Variants in PTPRJ observed in about 807,000 individuals in gnomAD.
PTPRJ encodes the protein receptor-type tyrosine-protein phosphatase eta.
Under a neutral mutation model 141.3 loss-of-function variants are expected in PTPRJ, and 129 were observed. The ratio of observed to expected loss-of-function variants is 0.91; its 90% CI spans 0.79 to 1.06. PTPRJ has a LOEUF of 1.06. Among genes scored for constraint, PTPRJ ranks in the 50% least tolerant of loss-of-function variants. The pLI, the probability that PTPRJ is intolerant of heterozygous loss-of-function variation, is 0.00. For synonymous variants in PTPRJ, 610 were observed against 640.5 expected, an observed-to-expected ratio of 0.95 and a Z score of 0.72; for missense variants, 1,601 against 1,679.7, an observed-to-expected ratio of 0.95 and a Z score of 0.82.
chr11:48,004,509 G>A (rs1854576523), intron 1 of PTPRJ, among the ~76,000 whole-genome samples: 1 of 152,182 alleles, frequency 6.6e-6, no homozygotes, highest in Non-Finnish European at 1.5e-5. Flanking sequence ...CTTAAAGGAG[G>A]CTCCAGCTTA....
At chr11:48,110,279 T>G (rs1196717840) in intron 2 of PTPRJ, among the ~76,000 whole-genome samples, 1 of 152,246 alleles carries the variant, frequency 6.6e-6, no homozygotes, top group Non-Finnish European at 1.5e-5. Flanking sequence ...CCATCTCGGC[T>G]CACTGCAACC....
At chr11:48,095,555 G>A (rs1855980331) in intron 1 of PTPRJ, among the ~76,000 whole-genome samples, 1 of 151,704 alleles carries the variant, frequency 6.6e-6, no homozygotes, top group East Asian at 1.9e-4. Context: ...GGTATAGCCA[G>A]CTATAATGTT....
chr11:48,040,464 T>C (rs1854245864), intron 1 of PTPRJ, among the ~76,000 whole-genome samples: 1 of 152,216 alleles, frequency 6.6e-6, no homozygotes, highest in South Asian at 2.1e-4. Context: ...CCACTGCCAC[T>C]AAACAGAGTT....
chr11:48,027,509 G>A (rs566504490), intron 1 of PTPRJ, among the ~76,000 whole-genome samples: 23 of 152,044 alleles, frequency 1.5e-4, no homozygotes, highest in African/African-American at 4.3e-4. Context: ...CTTCAGTGTC[G>A]TCTGGGTGCA....
intron 1 of PTPRJ, chr11:48,045,017 G>A (rs1854354592): frequency 6.6e-6 from 1 of 152,232 alleles, no homozygotes; most frequent in African/African-American, 2.4e-5. Context: ...TCTTATTGCA[G>A]GAGTAGGATC....
intron 1 of PTPRJ, among the ~76,000 whole-genome samples, chr11:48,010,702 A>C (rs771938406): frequency 1.2e-4 from 17 of 145,014 alleles, no homozygotes; most frequent in Non-Finnish European, 2.1e-4. Context: ...CGCCCAGGTA[A>C]TTTTTGTATT....
intron 1 of PTPRJ, among the ~76,000 whole-genome samples, chr11:47,995,756 G>A (rs1025233846): frequency 2.0e-5 from 3 of 152,162 alleles, no homozygotes; most frequent in African/African-American, 7.2e-5. Context: ...GAGGAACGTG[G>A]GGGTCAGGCG....
intron 1 of PTPRJ, among the ~76,000 whole-genome samples, chr11:48,023,728 G>A (rs1853721467): frequency 6.7e-6 from 1 of 150,064 alleles, no homozygotes; most frequent in African/African-American, 2.5e-5. Flanking sequence ...ATTGCAGTGA[G>A]CCGAGATCAC....
chr11:47,983,934 A>C (rs1239056037), intron 1 of PTPRJ, among the ~76,000 whole-genome samples: 1 of 152,152 alleles, frequency 6.6e-6, no homozygotes, highest in Non-Finnish European at 1.5e-5. Flanking sequence ...GCTAATCCTT[A>C]AGCCTGATTC....
At chr11:48,018,949 G>A (rs958384611) in intron 1 of PTPRJ, among the ~76,000 whole-genome samples, 3 of 152,180 alleles carry the variant, frequency 2.0e-5, no homozygotes, top group Non-Finnish European at 4.4e-5. Context: ...GGGGAGGGGG[G>A]CAGGGGAGTC....
In PTPRJ at chr11:48,137,354, T is replaced by C; in HGVS notation, c.2152+73T>C. The C allele has an allele frequency of 5.3e-6, 8 of 1,502,070 alleles. No individual in the cohort carries two copies. The South Asian group carries it at 1.0e-4, about 19-fold the overall frequency. The allele number at this position is 1,502,070 out of a possible 1,614,324, so 93.0% of individuals were successfully genotyped here. A position where few individuals can be genotyped will look rare whatever the true frequency, so the allele number is the denominator to read the frequency against. On this transcript the variant is annotated intron_variant, in intron 10 of 24. Coordinates refer to ENST00000418331, the MANE Select transcript of PTPRJ (RefSeq NM_002843.4). ...GACCTTGCAGGTCAGTCCTCCCAAGTCTGTAGTTTGTCTGGTTTTGTGTGA... is the reference window on the plus strand; with the variant it reads ...GACCTTGCAGGTCAGTCCTCCCAAGCCTGTAGTTTGTCTGGTTTTGTGTGA...
chr11:48,003,912 C>CT (rs1565252625), intron 1 of PTPRJ, among the ~76,000 whole-genome samples: 1 of 152,136 alleles, frequency 6.6e-6, no homozygotes, highest in Admixed American at 6.6e-5. Context: ...TTCTGTGATC[C>CT]TTTTTTAAAA....
At chr11:48,103,183 A>G (rs1856192759) in intron 1 of PTPRJ, among the ~76,000 whole-genome samples, 1 of 152,150 alleles carries the variant, frequency 6.6e-6, no homozygotes, top group South Asian at 2.1e-4. Context: ...GTTGCTCAGG[A>G]TGGAGTGTGG....
intron 16 of PTPRJ, 33 bp downstream of exon 16, chr11:48,149,521 A>G (rs1028365081): frequency 3.7e-6 from 5 of 1,341,536 alleles, no homozygotes; most frequent in East Asian, 2.4e-5. Context: ...TTTATTTTAA[A>G]TCCTCCAATC....
At position 48,167,254 on chromosome 11, in the gene PTPRJ, G is replaced by A. The variant is rs369579079; in HGVS notation, c.3906G>A (p.Gln1302=). 5.8e-5 allele frequency: 94 copies of A among 1,612,742 alleles called. No homozygotes were observed. In the African/African-American group the frequency reaches 1.1e-3, roughly 20 times the overall value. Residue 1302 remains glutamine, a synonymous_variant, in exon 25 of 25, where the codon CAG becomes CAA. Transcript: ENST00000418331. The stretch of plus-strand genomic sequence containing the variant: ...GTGTTTTGGATATTGTCAGATCCCA[G>A]AAAGACTCAAAAGTAGATCTTATCT... ...NQCVLDIVRS[Q]KDSKVDLIYQ...
intron 18 of PTPRJ, among the ~76,000 whole-genome samples, chr11:48,150,507 C>T (rs1242472964): frequency 6.6e-6 from 1 of 152,198 alleles, no homozygotes; most frequent in Non-Finnish European, 1.5e-5. Flanking sequence ...TGAAGCACAG[C>T]CACTTTCCTT....
At chr11:48,107,394 G>T (rs1355182690) in intron 1 of PTPRJ, among the ~76,000 whole-genome samples, 1 of 152,164 alleles carries the variant, frequency 6.6e-6, no homozygotes, top group African/African-American at 2.4e-5. Context: ...TCAGGAAAGG[G>T]GACAGAGAAG....
intron 1 of PTPRJ, among the ~76,000 whole-genome samples, chr11:48,013,052 T>C (rs1211178098): frequency 6.9e-6 from 1 of 143,998 alleles, no homozygotes; most frequent in African/African-American, 2.6e-5. Context: ...TGCAGTGGGC[T>C]GAGATTGTGC....
At chr11:48,088,868 T>C (rs753124116) in intron 1 of PTPRJ, among the ~76,000 whole-genome samples, 1 of 152,168 alleles carries the variant, frequency 6.6e-6, no homozygotes, top group Non-Finnish European at 1.5e-5. Context: ...AAATGCACTC[T>C]CCACCCTGCT....
Sources: gnomAD v4.1 joint callset for allele counts (sites outside exome capture counted in the v4.1 genomes callset) on GRCh38, gnomAD v4.1.1 for gene constraint, MANE v1.5 for transcripts, NCBI Gene and HGNC (gene_info 2026-07-23, HGNC 2026-07-21) for gene names.